TRPM7: variants seen among roughly 807,000 people sequenced by gnomAD.
TRPM7 encodes LTRPC ion channel family member 7.
A neutral mutation model predicts 229.7 loss-of-function variants in TRPM7; 134 were observed. The ratio of observed to expected loss-of-function variants is 0.58; its 90% CI spans 0.51 to 0.67. TRPM7 has a LOEUF of 0.67. TRPM7 is among the 30% of genes least tolerant of loss of function. TRPM7 has a pLI of 0.00. For missense variants in TRPM7, 1,901 were observed against 2,210.0 expected (o/e 0.86, Z 2.80); for synonymous variants, 699 against 715.2 (o/e 0.98, Z 0.36).
chr15:50,681,260 T>C (rs2062234438), intron 1 of TRPM7, among the ~76,000 whole-genome samples: 2 of 79,220 alleles, frequency 2.5e-5, no homozygotes, highest in South Asian at 9.2e-4. Flanking sequence ...CAAAAATAAA[T>C]AAATACACAC....
Position 50,574,886 on chromosome 15 carries a change from T to G in TRPM7, c.4985A>C (p.Tyr1662Ser). The change falls in exon 34 of 39, where the codon TAC becomes TCC. Residue 1662 changes from tyrosine (Y) to serine (S), a missense_variant. Coordinates refer to ENST00000646667, the MANE Select transcript of TRPM7 (RefSeq NM_017672.6). ...PEVVNTWSSIYKEDTVLHLCL... is the reference protein window; with the variant it reads ...PEVVNTWSSISKEDTVLHLCL... ...GAGATGCAGAACTGTATCTTCTTTG[T>G]AAATACTTGACCATGTATTAACCAC... is the stretch of plus-strand genomic sequence containing the variant. 1.2e-6 allele frequency: 2 copies of G among 1,613,306 alleles called. No individual in the cohort carries two copies. The highest frequency in any genetic ancestry group is 1.7e-6 in the Non-Finnish European group (2 of 1,179,404).
chr15:50,605,781 C>T (rs58700289), intron 20 of TRPM7, among the ~76,000 whole-genome samples: 3,114 of 152,212 alleles, frequency 0.02, 124 homozygotes, highest in African/African-American at 0.072. Context: ...TATTTTAAAA[C>T]GCTTTGCAAT....
At chr15:50,613,552 T>A (rs1287222514) in intron 15 of TRPM7, among the ~76,000 whole-genome samples, 155 bp downstream of exon 15, 1 of 144,882 alleles carries the variant, frequency 6.9e-6, no homozygotes, top group African/African-American at 2.5e-5. Flanking sequence ...TTATAATTAA[T>A]ATCTCTGTGT....
Position 50,643,458 on chromosome 15 carries a change from T to C in TRPM7, c.417A>G (p.Val139=). Residue 139 remains valine, a synonymous_variant, in exon 5 of 39, where the codon GTA becomes GTG. Transcript: ENST00000646667. The stretch of plus-strand genomic sequence containing the variant: ...GCTCAAATTTCTGCATGCCCCCATG[T>C]ACAGAGATAACAAGTTTGGGTAACT... The part of the protein sequence containing the change: ...QMELPKLVIS[V]HGGMQKFELH... 6.2e-7 allele frequency: 1 copy of C among 1,614,168 alleles called. No individual in the cohort carries two copies. Among genetic ancestry groups the C allele is most frequent in the Admixed American group, 1.7e-5 (1 of 60,002 alleles).
intron 17 of TRPM7, among the ~76,000 whole-genome samples, chr15:50,610,358 T>C (rs780993284): frequency 3.9e-5 from 6 of 152,134 alleles, no homozygotes; most frequent in African/African-American, 1.2e-4. Context: ...AAGTGTTCCA[T>C]GTCATAATGT....
chr15:50,561,348 T>G lies in TRPM7; in HGVS notation c.*330A>C. On this transcript the variant is annotated 3_prime_UTR_variant, in exon 39 of 39. Transcript: ENST00000646667. Reference sequence around the variant, plus strand: ...ATCTGCATGGACACCTACCTTTGGTTAATGGTATTGTACCACATAAGAGAG... The same window carrying G: ...ATCTGCATGGACACCTACCTTTGGTGAATGGTATTGTACCACATAAGAGAG... 1 of 194,360 alleles carries G rather than the reference T, an allele frequency of 5.1e-6. No individual in the cohort carries two copies. Among genetic ancestry groups the G allele is most frequent in the Non-Finnish European group, 1.0e-5 (1 of 95,966 alleles). 12.0% of individuals were successfully genotyped at this position (194,360 alleles called of 1,614,324 possible).
chr15:50,574,722 A>G lies in TRPM7; in HGVS notation c.5020-3T>C. On this transcript the variant is annotated splice_region_variant and splice_polypyrimidine_tract_variant and intron_variant, in intron 34 of 38. Transcript: ENST00000646667. ...GCTGCTCTCTGTTGTTGAATTTCCTATAAAAGGGAGGGTGGGGAGAACCCT... is the reference window on the plus strand; with the variant it reads ...GCTGCTCTCTGTTGTTGAATTTCCTGTAAAAGGGAGGGTGGGGAGAACCCT... 6.2e-7 allele frequency: 1 copy of G among 1,612,498 alleles called. No individual in the cohort carries two copies. The highest frequency in any genetic ancestry group is 1.3e-5 in the African/African-American group (1 of 74,966).
At chr15:50,679,538 A>ATATTTTTTTTTTTTTT (rs1400383980) in intron 1 of TRPM7, among the ~76,000 whole-genome samples, 2 of 43,902 alleles carry the variant, frequency 4.6e-5, no homozygotes, top group African/African-American at 1.1e-4. Flanking sequence ...ATATATATAT[A>ATATTTTTTTTTTTTTT]TTTTTTTTTT....
At chr15:50,643,761 T>C (rs930487939) in intron 4 of TRPM7, among the ~76,000 whole-genome samples, 6 of 152,164 alleles carry the variant, frequency 3.9e-5, no homozygotes, top group Admixed American at 6.5e-5. Context: ...TCTACAGAAA[T>C]AGCGAAACTA....
intron 24 of TRPM7, 72 bp from the exon 25 acceptor site, chr15:50,593,821 G>C (rs909853659): frequency 7.6e-6 from 11 of 1,451,924 alleles, no homozygotes; most frequent in Non-Finnish European, 9.3e-6. Flanking sequence ...TAATTCTTAC[G>C]AATTATTCAG....
At chr15:50,593,337 ATG>A (rs915023444) in intron 25 of TRPM7, among the ~76,000 whole-genome samples, 3 of 152,000 alleles carry the variant, frequency 2.0e-5, no homozygotes, top group African/African-American at 7.2e-5. Flanking sequence ...ATAATAAAAA[ATG>A]CTGTAAAATA....
intron 3 of TRPM7, among the ~76,000 whole-genome samples, chr15:50,656,577 C>T (rs2061579825): frequency 6.6e-6 from 1 of 151,298 alleles, no homozygotes. Context: ...CTCAAACCAT[C>T]CTCCTGCCTC....
At chr15:50,590,397 A>G (rs1375366185) in intron 26 of TRPM7, among the ~76,000 whole-genome samples, 1 of 152,196 alleles carries the variant, frequency 6.6e-6, no homozygotes, top group African/African-American at 2.4e-5. Context: ...CACTTTAATG[A>G]CCTTAATGAA....
At chr15:50,661,521 T>C (rs1440861647) in intron 2 of TRPM7, among the ~76,000 whole-genome samples, 3 of 152,188 alleles carry the variant, frequency 2.0e-5, no homozygotes, top group Non-Finnish European at 2.9e-5. Context: ...ATGTGTTTGT[T>C]GTGAGAGATC....
intron 26 of TRPM7, among the ~76,000 whole-genome samples, chr15:50,591,652 G>A (rs1382443085): frequency 6.6e-6 from 1 of 152,010 alleles, no homozygotes; most frequent in Non-Finnish European, 1.5e-5. Flanking sequence ...ACATGCCACT[G>A]CGCCTGGCTA....
At chr15:50,582,100 T>A (rs984179341) in intron 29 of TRPM7, among the ~76,000 whole-genome samples, 5 of 152,134 alleles carry the variant, frequency 3.3e-5, no homozygotes, top group African/African-American at 1.2e-4. Flanking sequence ...GTAGCTGAAT[T>A]ACAGGCATGT....
chr15:50,582,447 T>C (rs1566952830), intron 29 of TRPM7: 1 of 152,194 alleles, frequency 6.6e-6, no homozygotes, highest in African/African-American at 2.4e-5. Context: ...TTTATGTAAG[T>C]TGACTCCCAT....
At chr15:50,581,341 A>T (rs1315732846) in intron 29 of TRPM7, among the ~76,000 whole-genome samples, 2 of 152,040 alleles carry the variant, frequency 1.3e-5, no homozygotes, top group South Asian at 2.1e-4. Context: ...TCTACTAAAA[A>T]TACAAAAATT....
At chr15:50,568,821 A>C (rs559002997) in intron 38 of TRPM7, among the ~76,000 whole-genome samples, 5 of 151,988 alleles carry the variant, frequency 3.3e-5, no homozygotes, top group South Asian at 2.1e-4. Context: ...CAAAAAAAAA[A>C]CCAAAACAAC....
Sources: gnomAD v4.1 joint callset for allele counts (sites outside exome capture counted in the v4.1 genomes callset) on GRCh38, gnomAD v4.1.1 for gene constraint, MANE v1.5 for transcripts, NCBI Gene and HGNC (gene_info 2026-07-23, HGNC 2026-07-21) for gene names.